CENPT: variants seen among roughly 807,000 people sequenced by gnomAD.
The protein encoded by CENPT is interphase centromere complex protein 22.
In CENPT, 42 loss-of-function variants were observed where a neutral mutation model predicts 59.7. The ratio of observed to expected loss-of-function variants is 0.70; its 90% CI spans 0.55 to 0.91. The LOEUF is 0.91. Among genes scored for constraint, CENPT ranks in the 40% least tolerant of loss-of-function variants. The pLI is 0.00. For synonymous variants in CENPT, 295 were observed against 289.6 expected (o/e 1.02, Z -0.19); for missense variants, 716 against 713.4 (o/e 1.00, Z -0.04).
At chr16:67,831,099 T>C (rs2057683227) in intron 10 of CENPT, 117 bp downstream of exon 10, 6 of 1,341,114 alleles carry the variant, frequency 4.5e-6, no homozygotes, top group Non-Finnish European at 6.3e-6. Context: ...CTGACCAGAG[T>C]TGCTCGCTGT....
chr16:67,831,047 A>T, intron 10 of CENPT, 169 bp downstream of exon 10: 1 of 817,548 alleles, frequency 1.2e-6, no homozygotes, highest in South Asian at 1.6e-5. Flanking sequence ...CCAAGGAAAG[A>T]GGCCCCCTGT....
chr16:67,838,722 T>A (rs568587108), intron 1 of CENPT, among the ~76,000 whole-genome samples: 1 of 148,624 alleles, frequency 6.7e-6, no homozygotes, highest in African/African-American at 2.5e-5. Flanking sequence ...GGTCAGGAGG[T>A]CAAGGCCAGT....
intron 11 of CENPT, 94 bp from the exon 12 acceptor site, chr16:67,830,182 T>C: frequency 7.4e-7 from 1 of 1,344,020 alleles, no homozygotes; most frequent in Non-Finnish European, 1.0e-6. Flanking sequence ...GACCCAGTCC[T>C]GCCCACTGAG....
At position 67,833,609 on chromosome 16, in the gene CENPT, T is replaced by G. The variant is rs1263342568; in HGVS notation, c.110+141A>C. Reference sequence around the variant, plus strand: ...ACTCAGTTTTCCTCTTCGAACAGAGTCGACGCTGGGTTCCACCCAGACCCT... The same window carrying G: ...ACTCAGTTTTCCTCTTCGAACAGAGGCGACGCTGGGTTCCACCCAGACCCT... On this transcript the variant is annotated intron_variant, in intron 4 of 15. Transcript: ENST00000562787. 8.1e-6 allele frequency: 4 copies of G among 491,610 alleles called. No homozygotes were observed. The African/African-American group carries it at 8.1e-5, about 10-fold the overall frequency. The allele number at this position is 491,610 out of a possible 1,614,324, so 30.5% of individuals were successfully genotyped here.
rs2057813398 is a variant in CENPT at position 67,847,456 on chromosome 16, G to A, written c.-547C>T. 1 of 152,320 alleles carries A rather than the reference G, an allele frequency of 6.6e-6. No individual in the cohort carries two copies. The highest frequency in any genetic ancestry group is 1.5e-5 in the Non-Finnish European group (1 of 68,140). The allele number at this position is 152,320 out of a possible 1,614,324, so 9.4% of individuals were successfully genotyped here. On this transcript the variant is annotated 5_prime_UTR_variant, in exon 1 of 16. Transcript: ENST00000562787. ...CCCGGCCCGCTCCAGAGTCAGCATG[G>A]GTAAGGGCGCCCGCCTGCCGCAGCC... is the stretch of plus-strand genomic sequence containing the variant.
chr16:67,828,909 C>A (rs2057644353), intron 13 of CENPT, 66 bp from the exon 14 acceptor site: 2 of 1,497,330 alleles, frequency 1.3e-6, no homozygotes, highest in African/African-American at 2.8e-5. Context: ...AAGAGCAAGT[C>A]TTGCTGGCTT....
In CENPT at chr16:67,829,772, G is replaced by A. The variant is rs1430138713; in HGVS notation, c.1179C>T (p.Gly393=). ...GASSGDEDAS[G]RAASPESASS... ...CTGCACTGGGCCTCTTACCTGCCCTGCCAGAGGCATCCTCATCCCCTGAAG... is the reference window on the plus strand; with the variant it reads ...CTGCACTGGGCCTCTTACCTGCCCTACCAGAGGCATCCTCATCCCCTGAAG... Residue 393 remains glycine (G), a synonymous_variant, in exon 12 of 16, where the codon GGC becomes GGT. Transcript: ENST00000562787. 6.2e-7 allele frequency: 1 copy of A among 1,613,810 alleles called. No individual in the cohort carries two copies. Among genetic ancestry groups the A allele is most frequent in the Non-Finnish European group, 8.5e-7 (1 of 1,179,806 alleles).
Position 67,828,407 on chromosome 16 carries a change from G to A in CENPT, c.1563-17C>T, listed in dbSNP as rs1185432148. Reference sequence around the variant, plus strand: ...AGGCCCTGCCTGCAGTGGAGGAAGAGAAGGGACAGGCAGAATCAGCACCAA... The same window carrying A: ...AGGCCCTGCCTGCAGTGGAGGAAGAAAAGGGACAGGCAGAATCAGCACCAA... On this transcript the variant is annotated splice_polypyrimidine_tract_variant and intron_variant, in intron 15 of 15. Coordinates refer to ENST00000562787, the MANE Select transcript of CENPT (RefSeq NM_025082.4). The A allele has an allele frequency of 2.7e-5, 44 of 1,612,022 alleles. No individual in the cohort carries two copies. The highest frequency in any genetic ancestry group is 3.4e-5 in the Non-Finnish European group (40 of 1,178,442).
Position 67,834,033 on chromosome 16 carries a change from G to C in CENPT, c.-174C>G. The C allele has an allele frequency of 2.0e-6, 1 of 496,174 alleles. No homozygotes were observed. Among genetic ancestry groups the C allele is most frequent in the Non-Finnish European group, 3.5e-6 (1 of 283,722 alleles). The allele number at this position is 496,174 out of a possible 1,614,324, so 30.7% of individuals were successfully genotyped here. A position where few individuals can be genotyped will look rare whatever the true frequency, so the allele number is the denominator to read the frequency against. ...ATGGTTGCAAACTCCGGATGCTTTG[G>C]AGGCAGCCTCGCTGCGGGTAAACCT... On this transcript the variant is annotated 5_prime_UTR_variant, in exon 4 of 16. Transcript: ENST00000562787.
Position 67,843,844 on chromosome 16 carries a change from A to G in CENPT, c.-492+3557T>C, listed in dbSNP as rs2057781023. ...GTCCAGGGACTATAGGTTTGGGAAA[A>G]CCATACCTTAAGGTTGGTCAGCAGT... On this transcript the variant is annotated intron_variant, in intron 1 of 15. Transcript: ENST00000562787. The surrounding 1 kb of genome is among the most constrained non-coding windows in gnomAD (Gnocchi z 5.7). The G allele has an allele frequency of 8.1e-6, 2 of 248,174 alleles. No homozygotes were observed. The highest frequency in any genetic ancestry group is 1.7e-4 in the South Asian group (2 of 11,934). The allele number at this position is 248,174 out of a possible 1,614,324, so 15.4% of individuals were successfully genotyped here.
At chr16:67,840,936 G>C (rs1251066750) in intron 1 of CENPT, among the ~76,000 whole-genome samples, 2 of 150,404 alleles carry the variant, frequency 1.3e-5, no homozygotes, top group African/African-American at 2.5e-5. Context: ...GAGGCGAGCA[G>C]ATTGCCTGAG....
chr16:67,846,214 CATT>C (rs2057797134), intron 1 of CENPT, among the ~76,000 whole-genome samples: 1 of 152,258 alleles, frequency 6.6e-6, no homozygotes, highest in South Asian at 2.1e-4. Flanking sequence ...TCTCTTTCCT[CATT>C]AATAAAAATG....
rs746731133 is a variant in CENPT at position 67,832,301 on chromosome 16, C to T, written c.216G>A (p.Ser72=). 4.7e-5 allele frequency: 76 copies of T among 1,614,000 alleles called. No homozygotes were observed. Among genetic ancestry groups the T allele is most frequent in the African/African-American group, 2.7e-5 (2 of 74,914 alleles). The part of the protein sequence containing the change: ...RSHGARSVGR[S]AHIQASGHLE... The stretch of plus-strand genomic sequence containing the variant: ...AGTGCCCACTGGCCTGAATATGGGC[C>T]GATCTGCCAACAGACTATCGGCAAA... The change falls in exon 6 of 16, where the codon TCG becomes TCA. Residue 72 remains serine (S), a synonymous_variant. Transcript: ENST00000562787.
chr16:67,838,874 C>A (rs1174983997), intron 1 of CENPT, among the ~76,000 whole-genome samples: 3 of 150,444 alleles, frequency 2.0e-5, no homozygotes, highest in Non-Finnish European at 2.9e-5. Flanking sequence ...TTACAGTGAA[C>A]TGAGATTGTG....
rs2057765873 is a variant in CENPT, at chr16:67,842,177, A to G, written c.-492+5224T>C. On this transcript the variant is annotated intron_variant, in intron 1 of 15. Coordinates refer to ENST00000562787, the MANE Select transcript of CENPT (RefSeq NM_025082.4). This position sits in a 1 kb window ranked among gnomAD's most constrained non-coding sequence, Gnocchi z 4.9. The stretch of plus-strand genomic sequence containing the variant: ...GCCGGGGACAAGACGGGCTGGGGAA[A>G]GAATCTGCTCTTCGGAGGCTATCGC... 6.6e-6 allele frequency: 1 copy of G among 152,506 alleles called. No individual in the cohort carries two copies. Among genetic ancestry groups the G allele is most frequent in the African/African-American group, 2.4e-5 (1 of 41,478 alleles). 9.4% of individuals were successfully genotyped at this position (152,506 alleles called of 1,614,324 possible). A position where few individuals can be genotyped will look rare whatever the true frequency, so the allele number is the denominator to read the frequency against.
chr16:67,841,247 G>T (rs936913294), intron 1 of CENPT, among the ~76,000 whole-genome samples: 1 of 150,504 alleles, frequency 6.6e-6, no homozygotes, highest in Admixed American at 6.6e-5. Context: ...GTTGAGGTGG[G>T]GGGAGGTGTA....
chr16:67,842,899 G>GCAA lies in CENPT; in HGVS notation c.-492+4499_-492+4501dup, dbSNP rs765865936. The GCAA allele has an allele frequency of 2.5e-6, 4 of 1,586,586 alleles. No individual in the cohort carries two copies. Among genetic ancestry groups the GCAA allele is most frequent in the Non-Finnish European group, 3.4e-6 (4 of 1,166,500 alleles). On this transcript the variant is annotated intron_variant, in intron 1 of 15. Coordinates refer to ENST00000562787, the MANE Select transcript of CENPT (RefSeq NM_025082.4). This position sits in a 1 kb window ranked among gnomAD's most constrained non-coding sequence, Gnocchi z 4.9. The stretch of plus-strand genomic sequence containing the variant: ...AACAGCAGCAGCAGCAGCAACAGCA[G>GCAA]CAACAGCAGCAGCAGCAGCAACAGC...
At chr16:67,831,672 G>A in intron 8 of CENPT, 60 bp from the exon 9 acceptor site, 1 of 1,609,064 alleles carries the variant, frequency 6.2e-7, no homozygotes, top group Non-Finnish European at 8.5e-7. Flanking sequence ...ATCCAGGCCT[G>A]TGAGGGCCCT....
rs768592676 is a variant in CENPT at position 67,831,948 on chromosome 16, C to T, written c.387-58G>A. The T allele has an allele frequency of 1.9e-6, 3 of 1,589,712 alleles. No homozygotes were observed. The South Asian group carries it at 3.4e-5, about 18-fold the overall frequency. ...GGAAGTCCAATTCTGGCTTTTGCAACCCCCAAGAAACTCCCGGACTAAGCT... is the reference window on the plus strand; with the variant it reads ...GGAAGTCCAATTCTGGCTTTTGCAATCCCCAAGAAACTCCCGGACTAAGCT... On this transcript the variant is annotated intron_variant, in intron 7 of 15. Transcript: ENST00000562787.
Sources: allele counts gnomAD v4.1 joint callset (sites outside exome capture counted in the v4.1 genomes callset), GRCh38; gene constraint gnomAD v4.1.1; non-coding constraint Gnocchi (gnomAD v3.1); transcripts MANE v1.5; gene names NCBI Gene and HGNC (gene_info 2026-07-23, HGNC 2026-07-21).